The following HNRNPH1 variants were observed in gnomAD, a reference collection of about 807,000 sequenced individuals.
HNRNPH1 encodes heterogeneous nuclear ribonucleoprotein H1.
HNRNPH1 carries 4 observed loss-of-function variants against 58.6 expected under a neutral mutation model. The ratio of observed to expected loss-of-function variants is 0.07; its 90% CI spans 0.03 to 0.16. HNRNPH1 has a LOEUF of 0.16. HNRNPH1 is among the 10% of genes least tolerant of loss of function. HNRNPH1 has a pLI of 1.00. For missense variants in HNRNPH1, 271 were observed against 564.2 expected (o/e 0.48, Z 5.26); for synonymous variants, 192 against 189.2 (o/e 1.01, Z -0.12).
At chr5:179,632,020 G>A (rs1403959163) in intron 2 of HNRNPH1, among the ~76,000 whole-genome samples, 2 of 152,084 alleles carry the variant, frequency 1.3e-5, no homozygotes, top group African/African-American at 2.4e-5. Flanking sequence ...AGAAAAGGGC[G>A]TCTCGGCCGG....
chr5:179,626,484 G>A (rs956903716), upstream of HNRNPH1, among the ~76,000 whole-genome samples: 5 of 151,414 alleles, frequency 3.3e-5, no homozygotes, highest in South Asian at 2.1e-4. Flanking sequence ...TTGGGAGGCC[G>A]AGGCAGGTGG....
At chr5:179,618,359 G>T in intron 4 of HNRNPH1, 36 bp from the exon 6 acceptor site, 6 of 1,452,484 alleles carry the variant, frequency 4.1e-6, no homozygotes, top group South Asian at 1.2e-5. Context: ...GTAGGGAGGG[G>T]AGAGAAAACA....
At chr5:179,615,939 T>G in intron 11 of HNRNPH1, 187 bp downstream of exon 12, 1 of 568,830 alleles carries the variant, frequency 1.8e-6, no homozygotes, top group South Asian at 2.4e-5. Flanking sequence ...AACAGTTACA[T>G]TTGGATTGAA....
chr5:179,628,609 G>A (rs556224084), upstream of HNRNPH1, among the ~76,000 whole-genome samples: 4 of 152,168 alleles, frequency 2.6e-5, no homozygotes, highest in East Asian at 3.9e-4. Context: ...GGGATTACAC[G>A]CATGAGCCAC....
In HNRNPH1 at chr5:179,616,280, G is replaced by A. The variant is rs556676494; in HGVS notation, c.1208-62C>T. ...ATGTGATGTGGTACCTGGTGGTACCGGGCTTGTAATTCTATAGCTATCATT... is the reference window on the plus strand; with the variant it reads ...ATGTGATGTGGTACCTGGTGGTACCAGGCTTGTAATTCTATAGCTATCATT... On this transcript the variant is annotated intron_variant, in intron 10 of 12. Transcript: ENST00000356731. 417 of 1,269,942 alleles carry A rather than the reference G, an allele frequency of 3.3e-4. 1 individual carries two copies. In the East Asian group the frequency reaches 8.8e-3, roughly 27 times the overall value. The allele number at this position is 1,269,942 out of a possible 1,614,324, so 78.7% of individuals were successfully genotyped here.
upstream of HNRNPH1, among the ~76,000 whole-genome samples, chr5:179,626,083 A>G (rs911508533): frequency 5.2e-4 from 79 of 151,078 alleles, no homozygotes; most frequent in African/African-American, 1.8e-3. Flanking sequence ...GTGAGCCACC[A>G]TGGCTGGCAA....
chr5:179,632,617 C>G (rs897637756), intron 2 of HNRNPH1, among the ~76,000 whole-genome samples: 1 of 152,236 alleles, frequency 6.6e-6, no homozygotes, highest in African/African-American at 2.4e-5. Context: ...TGAGGAGGGA[C>G]CGAGCACGCC....
chr5:179,620,320 AG>A (rs1257089258), intron 3 of HNRNPH1, among the ~76,000 whole-genome samples: 2 of 152,244 alleles, frequency 1.3e-5, no homozygotes, highest in African/African-American at 4.8e-5. Context: ...CTTTAGGCCC[AG>A]GAACAATTTC....
chr5:179,619,155 A>G, intron 4 of HNRNPH1, 114 bp downstream of exon 5: 1 of 936,736 alleles, frequency 1.1e-6, no homozygotes. Context: ...TCATGGCAAA[A>G]CATCAATTAC....
chr5:179,622,642 C>T (rs896507628), intron 1 of HNRNPH1, among the ~76,000 whole-genome samples: 2 of 152,078 alleles, frequency 1.3e-5, no homozygotes, highest in African/African-American at 4.8e-5. Flanking sequence ...ACCCAGGAGG[C>T]GGAGGTTGCA....
At chr5:179,621,357 G>T (rs1001529515) in exon 2 of HNRNPH1, 1 of 1,613,924 alleles carries the variant, frequency 6.2e-7, no homozygotes, top group African/African-American at 1.3e-5. Context: ...CTCTGGTGTA[G>T]ATGAAACGAA....
At chr5:179,629,035 C>G (rs539480793), upstream of HNRNPH1, 4 of 150,466 alleles carry the variant, frequency 2.7e-5, no homozygotes, top group South Asian at 2.1e-4. Flanking sequence ...CGGCGGCTCA[C>G]GCCTGTAATC....
chr5:179,622,009 G>C (rs1360617178), intron 1 of HNRNPH1: 1 of 455,726 alleles, frequency 2.2e-6, no homozygotes, highest in African/African-American at 2.0e-5. Flanking sequence ...TACTACAAAC[G>C]TCTTGCCAAA....
intron 2 of HNRNPH1, among the ~76,000 whole-genome samples, chr5:179,632,329 G>C (rs997219153): frequency 7.9e-5 from 12 of 151,886 alleles, no homozygotes; most frequent in African/African-American, 2.2e-4. Flanking sequence ...AAAGAAAAAA[G>C]AAAAGGGCGT....
upstream of HNRNPH1, among the ~76,000 whole-genome samples, chr5:179,626,219 T>A (rs1334684341): frequency 6.6e-6 from 1 of 151,932 alleles, no homozygotes; most frequent in Non-Finnish European, 1.5e-5. Flanking sequence ...TTCTCATGCC[T>A]TAGCCTCCCA....
intron 4 of HNRNPH1, chr5:179,619,039 G>A (rs1354350101): frequency 5.4e-6 from 2 of 370,002 alleles, no homozygotes; most frequent in Non-Finnish European, 9.8e-6. Flanking sequence ...TATTGATTGG[G>A]GTTAATAAGA....
At chr5:179,630,284 G>A (rs1032038045) in intron 2 of HNRNPH1, among the ~76,000 whole-genome samples, 10 of 152,092 alleles carry the variant, frequency 6.6e-5, no homozygotes, top group South Asian at 2.1e-4. Context: ...GGGAGGCGGC[G>A]GTCGTGGTGA....
upstream of HNRNPH1, among the ~76,000 whole-genome samples, chr5:179,626,407 AG>A (rs990227445): frequency 3.3e-5 from 5 of 150,378 alleles, no homozygotes; most frequent in South Asian, 2.2e-4. Context: ...GCTCGGCCAA[AG>A]GTTTTTTTAA....
chr5:179,620,640 G>T, intron 3 of HNRNPH1: 1 of 416,574 alleles, frequency 2.4e-6, no homozygotes, highest in Non-Finnish European at 4.4e-6. Context: ...AAGCTGTTGA[G>T]GGCAATCCTC....
Sources: gnomAD v4.1 joint callset for allele counts (sites outside exome capture counted in the v4.1 genomes callset) on GRCh38, gnomAD v4.1.1 for gene constraint, MANE v1.5 for transcripts, NCBI Gene and HGNC (gene_info 2026-07-23, HGNC 2026-07-21) for gene names.